Variants in CHD7 observed in about 807,000 individuals in gnomAD.
The protein encoded by CHD7 is chromodomain helicase DNA binding protein 7, also known as ATP-dependent chromatin remodeler CHD7.
CHD7 carries 24 observed loss-of-function variants against 307.3 expected under a neutral mutation model. The observed-to-expected ratio is 0.08, with a 90% CI of 0.06 to 0.11. The LOEUF is 0.11. Among genes scored for constraint, CHD7 ranks in the 10% least tolerant of loss-of-function variants. The probability of loss-of-function intolerance (pLI) is 1.00; values close to 1 mark genes in which losing one functional copy is unlikely to be tolerated. For synonymous variants in CHD7, 1,363 were observed against 1,349.9 expected, an observed-to-expected ratio of 1.01 and a Z score of -0.21; for missense variants, 3,106 against 3,727.1, an observed-to-expected ratio of 0.83 and a Z score of 4.34.
At chr8:60,759,268 A>T (rs1810042642) in intron 2 of CHD7, among the ~76,000 whole-genome samples, 2 of 152,190 alleles carry the variant, frequency 1.3e-5, no homozygotes, top group Non-Finnish European at 2.9e-5. Flanking sequence ...CTGCCAGGTC[A>T]TGTCTTGAGC....
chr8:60,725,961 C>A (rs1013441399), intron 1 of CHD7, among the ~76,000 whole-genome samples: 21 of 152,150 alleles, frequency 1.4e-4, no homozygotes, highest in African/African-American at 5.1e-4. Flanking sequence ...TGAGAACAAG[C>A]AAATGTGTTC....
intron 26 of CHD7, 78 bp from the exon 27 acceptor site, chr8:60,850,954 T>C (rs1247148841): frequency 3.0e-6 from 3 of 999,424 alleles, no homozygotes; most frequent in African/African-American, 3.3e-5. Context: ...GGCAGATTAT[T>C]ACTCTTTCCT....
In CHD7 at chr8:60,866,199, C is replaced by CT. The variant is rs796235452; in HGVS notation, c.*277dup. 13,912 of 249,086 alleles carry CT rather than the reference C, an allele frequency of 0.056. No homozygotes were observed. The highest frequency in any genetic ancestry group is 0.078 in the East Asian group (1,057 of 13,480). 15.4% of individuals were successfully genotyped at this position (249,086 alleles called of 1,614,324 possible). On this transcript the variant is annotated 3_prime_UTR_variant, in exon 38 of 38. Coordinates refer to ENST00000423902, the MANE Select transcript of CHD7 (RefSeq NM_017780.4). The stretch of plus-strand genomic sequence containing the variant: ...TTAAGGAAACTTACATAATGCTCTG[C>CT]TTTTTTTTTTTCTCTTGGTACCATT...
At chr8:60,739,024 A>G (rs929396512) in intron 1 of CHD7, among the ~76,000 whole-genome samples, 2 of 152,084 alleles carry the variant, frequency 1.3e-5, no homozygotes, top group South Asian at 4.2e-4. Flanking sequence ...GTTAGCACCA[A>G]CTTCATCGCC....
At chr8:60,816,356 A>C (rs758258436) in intron 7 of CHD7, 31 bp from the exon 8 acceptor site, 1 of 1,142,356 alleles carries the variant, frequency 8.8e-7, no homozygotes, top group Non-Finnish European at 1.3e-6. Flanking sequence ...TATATTCTAC[A>C]TATTTCAAGG....
chr8:60,717,319 G>A (rs771299436), intron 1 of CHD7, among the ~76,000 whole-genome samples: 1 of 152,150 alleles, frequency 6.6e-6, no homozygotes, highest in African/African-American at 2.4e-5. Context: ...AAACACTTTG[G>A]TTATTAGACT....
At position 60,781,076 on chromosome 8, in the gene CHD7, T is replaced by C; in HGVS notation, c.1742T>C (p.Val581Ala). The part of the protein sequence containing the change: ...TQVSGPNAQL[V>A]KSDDYLPSIE... Reference sequence around the variant, plus strand: ...GTTAGTGGACCGAATGCTCAGCTAGTGAAGAGTGATGATTACCTGCCATCA... The same window carrying C: ...GTTAGTGGACCGAATGCTCAGCTAGCGAAGAGTGATGATTACCTGCCATCA... The change falls in exon 3 of 38, where the codon GTG becomes GCG. Residue 581 changes from valine to alanine, a missense_variant. Val to Ala is a moderately conservative substitution (Grantham distance 64, BLOSUM62 0). This residue lies in a region of CHD7 where 998 missense variants were observed against 1,004.5 expected (regional missense o/e 0.99). Transcript: ENST00000423902. The C allele has an allele frequency of 6.2e-7, 1 of 1,610,748 alleles. No individual in the cohort carries two copies. The highest frequency in any genetic ancestry group is 1.7e-5 in the Admixed American group (1 of 59,488).
intron 2 of CHD7, among the ~76,000 whole-genome samples, chr8:60,770,534 C>T (rs1810657781): frequency 6.6e-6 from 1 of 152,200 alleles, no homozygotes; most frequent in Admixed American, 6.5e-5. Context: ...ACACAGTCCC[C>T]TCTAAGTGTT....
At chr8:60,768,852 T>A (rs1157682108) in intron 2 of CHD7, among the ~76,000 whole-genome samples, 1 of 152,060 alleles carries the variant, frequency 6.6e-6, no homozygotes, top group Admixed American at 6.6e-5. Context: ...AAACCTGCAC[T>A]CCTTTGTTTG....
In CHD7 at chr8:60,836,182, C is replaced by G. The variant is rs1368062920; in HGVS notation, c.3888C>G (p.Asp1296Glu). 6.2e-7 allele frequency: 1 copy of G among 1,613,972 alleles called. No homozygotes were observed. Among genetic ancestry groups the G allele is most frequent in the East Asian group, 2.2e-5 (1 of 44,888 alleles). The change falls in exon 16 of 38, where the codon GAC (aspartate) becomes GAG (glutamate). Residue 1296 changes from aspartate to glutamate, a missense_variant. By Grantham distance (45) the Asp-to-Glu change is conservative. Around this residue, in one of 10 missense-constraint regions of CHD7, gnomAD observed 232 missense variants for 422.5 expected, o/e 0.55. Coordinates refer to ENST00000423902, the MANE Select transcript of CHD7 (RefSeq NM_017780.4). ...IQAAGKLVLI[D>E]KLLPKLKAGG... The stretch of plus-strand genomic sequence containing the variant: ...CTGCTGGCAAGCTAGTGCTGATTGA[C>G]AAGCTGCTGCCAAAACTGAAGGCTG...
intron 2 of CHD7, among the ~76,000 whole-genome samples, chr8:60,780,680 T>A (rs574100415): frequency 1.3e-5 from 2 of 152,346 alleles, no homozygotes; most frequent in East Asian, 3.9e-4. Flanking sequence ...GGTGCTGTTT[T>A]GCCATTCACC....
At chr8:60,734,004 T>C (rs549734097) in intron 1 of CHD7, among the ~76,000 whole-genome samples, 2 of 152,364 alleles carry the variant, frequency 1.3e-5, no homozygotes, top group Non-Finnish European at 2.9e-5. Context: ...TGTAAACTGT[T>C]ACAGATTAAA....
chr8:60,771,561 C>G (rs1810711301), intron 2 of CHD7, among the ~76,000 whole-genome samples: 1 of 152,126 alleles, frequency 6.6e-6, no homozygotes, highest in African/African-American at 2.4e-5. Context: ...TATCTATTTC[C>G]TCTCTCAGTT....
intron 3 of CHD7, among the ~76,000 whole-genome samples, chr8:60,789,548 A>G (rs756281541): frequency 6.6e-6 from 1 of 152,208 alleles, no homozygotes; most frequent in Non-Finnish European, 1.5e-5. Context: ...CCATATTCCC[A>G]TCACATTTGG....
chr8:60,832,188 A>AT (rs1362540431), intron 15 of CHD7, among the ~76,000 whole-genome samples: 1 of 151,612 alleles, frequency 6.6e-6, no homozygotes, highest in Non-Finnish European at 1.5e-5. Context: ...CGCCCAGCTA[A>AT]TTTTTTTTGT....
intron 8 of CHD7, among the ~76,000 whole-genome samples, chr8:60,819,103 G>T (rs1432413328): frequency 6.6e-6 from 1 of 152,090 alleles, no homozygotes; most frequent in Non-Finnish European, 1.5e-5. Context: ...ACAGGCACCT[G>T]CCATCATGCC....
rs1806201337 is a variant in CHD7 at position 60,865,453 on chromosome 8, C to T, written c.8514C>T (p.Asp2838=). The T allele has an allele frequency of 6.2e-7, 1 of 1,613,886 alleles. No individual in the cohort carries two copies. The highest frequency in any genetic ancestry group is 1.1e-5 in the South Asian group (1 of 91,080). The part of the protein sequence containing the change: ...TTASSQGEPE[D]STSKGEEKGN... ...CTTCTAGTCAAGGAGAACCGGAAGA[C>T]AGCACTTCAAAAGGAGAGGAGAAAG... Residue 2838 remains aspartate, a synonymous_variant, in exon 38 of 38, where the codon GAC becomes GAT. Transcript: ENST00000423902. This position sits in a 1 kb window ranked among gnomAD's most constrained non-coding sequence, Gnocchi z 4.3.
chr8:60,696,033 T>C (rs1000695215), intron 1 of CHD7, among the ~76,000 whole-genome samples: 1 of 152,240 alleles, frequency 6.6e-6, no homozygotes, highest in Non-Finnish European at 1.5e-5. Context: ...CTTTTTGACA[T>C]TGAAAAATTG....
intron 2 of CHD7, among the ~76,000 whole-genome samples, chr8:60,780,791 T>C (rs760478552): frequency 7.9e-5 from 12 of 152,230 alleles, no homozygotes; most frequent in Admixed American, 2.6e-4. Flanking sequence ...AAAGTGCTAT[T>C]TTAAAACTTT....
Sources: gnomAD v4.1 joint callset for allele counts (sites outside exome capture counted in the v4.1 genomes callset) on GRCh38, gnomAD v4.1.1 for gene constraint, gnomAD v4.1.1 regional missense constraint, Gnocchi (gnomAD v3.1) non-coding constraint, MANE v1.5 for transcripts, NCBI Gene and HGNC (gene_info 2026-07-23, HGNC 2026-07-21) for gene names.